SNTG1: variants seen among roughly 807,000 people sequenced by gnomAD.
The protein encoded by SNTG1 is gamma-1-syntrophin.
A neutral mutation model predicts 74.7 loss-of-function variants in SNTG1; 39 were observed. The observed-to-expected ratio is 0.52, with a 90% confidence interval of 0.40 to 0.68. The LOEUF is 0.68. Ranked by LOEUF, SNTG1 falls within the 30% of genes least tolerant of loss-of-function variation. The probability of loss-of-function intolerance (pLI) is 0.00; values close to 1 mark genes in which losing one functional copy is unlikely to be tolerated. For missense variants in SNTG1, 685 were observed against 609.5 expected, an observed-to-expected ratio of 1.12 and a Z score of -1.30; for synonymous variants, 254 against 217.1, an observed-to-expected ratio of 1.17 and a Z score of -1.49.
intron 1 of SNTG1, among the ~76,000 whole-genome samples, chr8:49,980,518 T>G (rs1297939070): frequency 3.6e-5 from 2 of 56,138 alleles, no homozygotes; most frequent in Non-Finnish European, 5.5e-5. Context: ...GTAGACTCCT[T>G]CGCAAAAAAA....
chr8:50,432,674 AT>A (rs1253663960), intron 4 of SNTG1, among the ~76,000 whole-genome samples: 11 of 152,048 alleles, frequency 7.2e-5, no homozygotes, highest in African/African-American at 2.7e-4. Flanking sequence ...TGTTTTGAAC[AT>A]ATTTGTTTTT....
At chr8:50,333,149 C>A (rs1336894037) in intron 2 of SNTG1, among the ~76,000 whole-genome samples, 2 of 152,240 alleles carry the variant, frequency 1.3e-5, no homozygotes, top group Non-Finnish European at 2.9e-5. Flanking sequence ...GGCTCAGGTT[C>A]TGGCCCTGGC....
intron 5 of SNTG1, among the ~76,000 whole-genome samples, chr8:50,439,065 G>A (rs1024866170): frequency 6.6e-6 from 1 of 151,992 alleles, no homozygotes; most frequent in African/African-American, 2.4e-5. Context: ...AATCATATAG[G>A]ATAGACTTAA....
intron 12 of SNTG1, among the ~76,000 whole-genome samples, chr8:50,564,027 A>G (rs1359011300): frequency 1.3e-5 from 2 of 152,146 alleles, no homozygotes; most frequent in African/African-American, 2.4e-5. Flanking sequence ...AGAAAGACAC[A>G]CAATAATCCA....
intron 9 of SNTG1, 109 bp downstream of exon 9, chr8:50,502,989 C>A (rs1270825513): frequency 3.6e-6 from 3 of 839,070 alleles, no homozygotes; most frequent in Non-Finnish European, 5.5e-6. Context: ...TTTTGCCTGA[C>A]TGTAAACATT....
intron 16 of SNTG1, among the ~76,000 whole-genome samples, chr8:50,705,566 C>CT (rs879529279): frequency 9.2e-4 from 135 of 147,258 alleles, no homozygotes; most frequent in African/African-American, 2.3e-3. Context: ...ATTTATTTGT[C>CT]TTTTTTTTTT....
chr8:50,379,430 C>T (rs978016250), intron 2 of SNTG1, among the ~76,000 whole-genome samples: 1 of 152,144 alleles, frequency 6.6e-6, no homozygotes, highest in Non-Finnish European at 1.5e-5. Flanking sequence ...GGGTCAGGGG[C>T]AGGGCTCCCT....
chr8:50,769,120 T>C (rs961467026), intron 18 of SNTG1, among the ~76,000 whole-genome samples: 1 of 151,820 alleles, frequency 6.6e-6, no homozygotes, highest in Admixed American at 6.6e-5. Flanking sequence ...ATCAGAATAG[T>C]GAATTTCTCT....
At position 50,581,530 on chromosome 8, in the gene SNTG1, T is replaced by C. The variant is rs562273483; in HGVS notation, c.811-9349T>C. Among the ~76,000 whole-genome samples the C allele has an allele frequency of 2.0e-5, 3 of 152,300 alleles. No homozygotes were observed. In the South Asian group the frequency reaches 6.2e-4, roughly 32 times the overall value. On this transcript the variant is annotated intron_variant, in intron 12 of 18. Transcript: ENST00000642720. ...CTTCCTTTTAAATTATAAGTATTCC[T>C]TTCAAATCTTGTATGCATGGTATGA...
intron 1 of SNTG1, among the ~76,000 whole-genome samples, chr8:50,116,459 AT>A (rs1167833120): frequency 6.6e-6 from 1 of 152,068 alleles, no homozygotes; most frequent in African/African-American, 2.4e-5. Flanking sequence ...GTTGCTTATA[AT>A]TTTTAGGAAT....
At chr8:50,419,893 A>G (rs1043361813) in intron 4 of SNTG1, among the ~76,000 whole-genome samples, 1 of 152,104 alleles carries the variant, frequency 6.6e-6, no homozygotes, top group Non-Finnish European at 1.5e-5. Context: ...TAAAAACTCA[A>G]TGGTTGGGCA....
chr8:50,042,086 T>C (rs1415458760), intron 1 of SNTG1, among the ~76,000 whole-genome samples: 1 of 152,248 alleles, frequency 6.6e-6, no homozygotes, highest in African/African-American at 2.4e-5. Flanking sequence ...CGTGGTATAT[T>C]GGGGACTGTT....
chr8:50,429,345 C>T (rs1234104188), intron 4 of SNTG1, among the ~76,000 whole-genome samples: 1 of 151,948 alleles, frequency 6.6e-6, no homozygotes, highest in African/African-American at 2.4e-5. Context: ...AATTCATAGT[C>T]GACTTATTTT....
chr8:50,135,614 G>A (rs1210293945), intron 1 of SNTG1, among the ~76,000 whole-genome samples: 1 of 151,586 alleles, frequency 6.6e-6, no homozygotes, highest in Admixed American at 6.6e-5. Context: ...TGATTTTGGG[G>A]GACTTTCGTT....
At chr8:50,576,646 T>C (rs1305771652) in intron 12 of SNTG1, among the ~76,000 whole-genome samples, 1 of 152,126 alleles carries the variant, frequency 6.6e-6, no homozygotes, top group Non-Finnish European at 1.5e-5. Context: ...AAGAAATGTT[T>C]TGTAGATTAC....
chr8:50,051,160 A>G (rs367700377), intron 1 of SNTG1, among the ~76,000 whole-genome samples: 77 of 152,112 alleles, frequency 5.1e-4, no homozygotes, highest in African/African-American at 1.7e-3. Context: ...ACGGCAAGAA[A>G]AAGAAATAAA....
intron 8 of SNTG1, chr8:50,491,310 G>A (rs1288214216): frequency 2.0e-5 from 3 of 152,290 alleles, no homozygotes; most frequent in Non-Finnish European, 2.9e-5. Flanking sequence ...GCCTCTGGGA[G>A]TTTGCGACAA....
chr8:50,668,685 G>T (rs2095262780), intron 15 of SNTG1, among the ~76,000 whole-genome samples: 2 of 151,664 alleles, frequency 1.3e-5, no homozygotes, highest in African/African-American at 4.8e-5. Context: ...GATGTGTGTT[G>T]TTTCCCACCC....
At chr8:50,469,997 C>A (rs73583477) in intron 8 of SNTG1, among the ~76,000 whole-genome samples, 6,276 of 152,240 alleles carry the variant, frequency 0.041, 140 homozygotes, top group Middle Eastern at 0.12. Context: ...ACAAACAGTT[C>A]TCCTTATCAC....
Sources: allele counts gnomAD v4.1 joint callset (sites outside exome capture counted in the v4.1 genomes callset), GRCh38; gene constraint gnomAD v4.1.1; transcripts MANE v1.5; gene names NCBI Gene and HGNC (gene_info 2026-07-23, HGNC 2026-07-21).